Variants in OSGIN2 observed in about 807,000 individuals in gnomAD.
OSGIN2 encodes oxidative stress induced growth inhibitor family member 2.
Under a neutral mutation model 53.8 loss-of-function variants are expected in OSGIN2, and 19 were observed. That is an observed-to-expected ratio of 0.35 (90% CI 0.25 to 0.52). The LOEUF is 0.52. Among genes scored for constraint, OSGIN2 ranks in the 20% least tolerant of loss-of-function variants. The pLI is 0.95. For synonymous variants in OSGIN2, 236 were observed against 236.0 expected (o/e 1.00, Z 0.00); for missense variants, 520 against 662.7 (o/e 0.78, Z 2.36).
upstream of OSGIN2, chr8:89,902,131 T>C (rs1808729556): frequency 6.6e-6 from 1 of 152,142 alleles, no homozygotes; most frequent in African/African-American, 2.4e-5. Context: ...CAAAGGTGGG[T>C]TCTCAGGCGT....
chr8:89,912,744 G>GA (rs1183190275), intron 2 of OSGIN2, among the ~76,000 whole-genome samples: 420 of 147,744 alleles, frequency 2.8e-3, no homozygotes, highest in Admixed American at 5.3e-3. Flanking sequence ...GACTCTGTCT[G>GA]AAAAAAAAAA....
chr8:89,905,480 T>C (rs1022584247), intron 1 of OSGIN2, among the ~76,000 whole-genome samples: 5 of 152,000 alleles, frequency 3.3e-5, no homozygotes, highest in African/African-American at 1.2e-4. Flanking sequence ...GCATGTACTA[T>C]AAAACATGTA....
chr8:89,912,884 G>T (rs1293673192), intron 2 of OSGIN2, among the ~76,000 whole-genome samples: 2 of 152,096 alleles, frequency 1.3e-5, no homozygotes, highest in Non-Finnish European at 2.9e-5. Context: ...CATGCTGGGG[G>T]TATCAAAAAT....
intron 1 of OSGIN2, among the ~76,000 whole-genome samples, chr8:89,908,207 T>G (rs1368444062): frequency 3.3e-5 from 5 of 152,152 alleles, no homozygotes; most frequent in Non-Finnish European, 7.4e-5. Flanking sequence ...AATAGATGGA[T>G]TGAGCATATA....
At chr8:89,916,271 TAG>T (rs67822614) in intron 4 of OSGIN2, among the ~76,000 whole-genome samples, 148,015 of 152,264 alleles carry the variant, frequency 0.97, 71,949 homozygotes, top group East Asian at 1. Flanking sequence ...ATAAAAAAGT[TAG>T]AAAGTATGGA....
chr8:89,916,223 A>T (rs1321438714), intron 4 of OSGIN2, among the ~76,000 whole-genome samples: 1 of 151,892 alleles, frequency 6.6e-6, no homozygotes, highest in Admixed American at 6.6e-5. Context: ...TGAGTTGTGC[A>T]GGCGATAATT....
At chr8:89,902,927 A>G (rs990846234) in intron 1 of OSGIN2, 90 bp downstream of exon 1, 4 of 808,520 alleles carry the variant, frequency 4.9e-6, no homozygotes, top group South Asian at 5.7e-5. Flanking sequence ...ACCGGGGTGG[A>G]GGGCGAGCGC....
intron 1 of OSGIN2, among the ~76,000 whole-genome samples, chr8:89,904,233 A>C (rs1054885198): frequency 6.6e-6 from 1 of 152,250 alleles, no homozygotes; most frequent in Admixed American, 6.5e-5. Flanking sequence ...GAAACTTGTT[A>C]AACTAAATAA....
chr8:89,913,329 GC>G (rs1240369772), intron 2 of OSGIN2, among the ~76,000 whole-genome samples: 4 of 152,158 alleles, frequency 2.6e-5, no homozygotes, highest in Non-Finnish European at 1.5e-5. Context: ...AAGACAGCCG[GC>G]CTTTGAAGCT....
intron 1 of OSGIN2, among the ~76,000 whole-genome samples, chr8:89,903,194 TA>T (rs1343939387): frequency 6.6e-6 from 1 of 152,186 alleles, no homozygotes; most frequent in Non-Finnish European, 1.5e-5. Flanking sequence ...AATTATTTCT[TA>T]AAAAGTCTTC....
chr8:89,918,791 TCTTC>T (rs1464981986), intron 4 of OSGIN2, among the ~76,000 whole-genome samples: 3 of 152,050 alleles, frequency 2.0e-5, no homozygotes, highest in Non-Finnish European at 2.9e-5. Flanking sequence ...AACCTGAGAG[TCTTC>T]CTTGATTTCT....
At chr8:89,903,984 A>G (rs1168417489) in intron 1 of OSGIN2, among the ~76,000 whole-genome samples, 4 of 152,238 alleles carry the variant, frequency 2.6e-5, no homozygotes, top group Admixed American at 6.5e-5. Flanking sequence ...ATCCTATAGT[A>G]AAAGAGATGT....
chr8:89,922,446 C>A (rs760062473), intron 5 of OSGIN2, among the ~76,000 whole-genome samples: 1 of 152,174 alleles, frequency 6.6e-6, no homozygotes, highest in African/African-American at 2.4e-5. Context: ...ACATTCTTCA[C>A]TTTGTAAAAG....
chr8:89,921,470 T>C (rs1232100353), intron 5 of OSGIN2, among the ~76,000 whole-genome samples: 1 of 152,228 alleles, frequency 6.6e-6, no homozygotes, highest in Non-Finnish European at 1.5e-5. Context: ...TCCATCCATA[T>C]ATTATTTTTC....
intron 1 of OSGIN2, among the ~76,000 whole-genome samples, chr8:89,903,350 C>T (rs1242814973): frequency 1.3e-5 from 2 of 152,014 alleles, no homozygotes; most frequent in African/African-American, 4.8e-5. Flanking sequence ...TTTACAATCA[C>T]CTTATGGGGA....
At chr8:89,921,309 A>C in intron 5 of OSGIN2, 138 bp downstream of exon 5, 1 of 573,038 alleles carries the variant, frequency 1.7e-6, no homozygotes, top group Non-Finnish European at 3.1e-6. Flanking sequence ...TCCTTGAAGC[A>C]GTGATTATAA....
At chr8:89,905,383 C>G (rs919812881) in intron 1 of OSGIN2, among the ~76,000 whole-genome samples, 4 of 152,246 alleles carry the variant, frequency 2.6e-5, no homozygotes, top group African/African-American at 2.4e-5. Context: ...ATTTTTATTA[C>G]TCAAAATAAG....
At chr8:89,912,618 T>C (rs1966150) in intron 2 of OSGIN2, among the ~76,000 whole-genome samples, 102,536 of 151,730 alleles carry the variant, frequency 0.68, 37,021 homozygotes, top group East Asian at 0.96. Flanking sequence ...TGGTGTCGTG[T>C]ACCTCTAGTC....
At chr8:89,905,823 T>C (rs1225837103) in intron 1 of OSGIN2, among the ~76,000 whole-genome samples, 3 of 152,366 alleles carry the variant, frequency 2.0e-5, no homozygotes, top group Admixed American at 6.5e-5. Flanking sequence ...CTAGACCTAA[T>C]ATATAAATTC....
Sources: allele counts gnomAD v4.1 joint callset (sites outside exome capture counted in the v4.1 genomes callset), GRCh38; gene constraint gnomAD v4.1.1; transcripts MANE v1.5; gene names NCBI Gene and HGNC (gene_info 2026-07-23, HGNC 2026-07-21).